MSH3: variants seen among roughly 807,000 people sequenced by gnomAD.
MSH3 encodes DNA mismatch repair protein Msh3.
MSH3 carries 106 observed loss-of-function variants against 123.3 expected under a neutral mutation model. That is an observed-to-expected ratio of 0.86 (90% CI 0.73 to 1.01). The LOEUF (loss-of-function observed/expected upper bound fraction) is 1.01. Ranked by LOEUF, MSH3 falls within the 50% of genes least tolerant of loss-of-function variation. The pLI, the probability that MSH3 is intolerant of heterozygous loss-of-function variation, is 0.00. For synonymous variants in MSH3, 515 were observed against 481.4 expected, an observed-to-expected ratio of 1.07 and a Z score of -0.91; for missense variants, 1,459 against 1,347.6, an observed-to-expected ratio of 1.08 and a Z score of -1.29.
chr5:80,667,123 T>C (rs1216111016), intron 3 of MSH3, among the ~76,000 whole-genome samples: 1 of 152,208 alleles, frequency 6.6e-6, no homozygotes, highest in African/African-American at 2.4e-5. Context: ...TTCAAGTATT[T>C]AGATTGATTT....
At chr5:80,790,685 A>G (rs113361582) in intron 18 of MSH3, among the ~76,000 whole-genome samples, 464 of 152,322 alleles carry the variant, frequency 3.0e-3, no homozygotes, top group Non-Finnish European at 4.5e-3. Flanking sequence ...AAGAAGGTAT[A>G]AAAGAAGAGT....
intron 8 of MSH3, among the ~76,000 whole-genome samples, chr5:80,717,875 C>A (rs926591411): frequency 2.0e-5 from 3 of 151,918 alleles, no homozygotes; most frequent in African/African-American, 7.3e-5. Flanking sequence ...CAAAATACTT[C>A]TAAATTCAGC....
At chr5:80,711,740 C>T (rs1269324844) in intron 8 of MSH3, among the ~76,000 whole-genome samples, 2 of 151,928 alleles carry the variant, frequency 1.3e-5, no homozygotes, top group Non-Finnish European at 2.9e-5. Context: ...CTGCAACCTC[C>T]GCCTCCTGGG....
chr5:80,763,123 A>G (rs535422802), intron 13 of MSH3, among the ~76,000 whole-genome samples: 12 of 152,320 alleles, frequency 7.9e-5, no homozygotes, highest in African/African-American at 2.9e-4. Context: ...CTGGGATTAC[A>G]GGCATGAGCC....
At position 80,667,638 on chromosome 5, in the gene MSH3, T is replaced by A. The variant is rs565297786; in HGVS notation, c.579+2275T>A. On this transcript the variant is annotated intron_variant, in intron 3 of 23. Transcript: ENST00000265081. Reference sequence around the variant, plus strand: ...TCTGGCCCCTGTGCACTGCCAGGCATGCTGGCTTCGGCAGGGTGGGCAGCT... The same window carrying A: ...TCTGGCCCCTGTGCACTGCCAGGCAAGCTGGCTTCGGCAGGGTGGGCAGCT... Among the ~76,000 whole-genome samples, 178 of 152,278 alleles carry A rather than the reference T, an allele frequency of 1.2e-3. 1 individual carries two copies. In the Middle Eastern group the frequency reaches 0.014, roughly 12 times the overall value.
At chr5:80,823,576 A>G (rs1217885014) in intron 20 of MSH3, among the ~76,000 whole-genome samples, 3 of 152,204 alleles carry the variant, frequency 2.0e-5, no homozygotes, top group African/African-American at 7.2e-5. Flanking sequence ...TTTTCATAAT[A>G]AAAACACTGC....
At chr5:80,806,541 T>G (rs921089578) in intron 19 of MSH3, among the ~76,000 whole-genome samples, 1 of 152,226 alleles carries the variant, frequency 6.6e-6, no homozygotes, top group Non-Finnish European at 1.5e-5. Context: ...AGTTTCCACA[T>G]TTTTATGGGG....
intron 8 of MSH3, among the ~76,000 whole-genome samples, chr5:80,718,472 T>G (rs1751006733): frequency 1.3e-5 from 2 of 151,340 alleles, no homozygotes; most frequent in Admixed American, 1.3e-4. Flanking sequence ...CTCCATCTCT[T>G]TTTATTCCTA....
rs1375657832 is a variant in MSH3, at chr5:80,679,043, G to A, written c.1290G>A (p.Ser430=). The part of the protein sequence containing the change: ...SLQPVELLLP[S]ALSEQTEALI... ...AGCCAGTAGAGCTGCTGCTTCCTTC[G>A]GCCTTGTCCGAGCAAACAGAGGCGC... Residue 430 remains serine (S), a synonymous_variant, in exon 8 of 24, where the codon TCG becomes TCA. Transcript: ENST00000265081. The A allele has an allele frequency of 5.0e-6, 8 of 1,614,020 alleles. No individual in the cohort carries two copies. Among genetic ancestry groups the A allele is most frequent in the East Asian group, 2.2e-5 (1 of 44,876 alleles).
At chr5:80,734,387 C>T (rs999125874) in intron 10 of MSH3, among the ~76,000 whole-genome samples, 5 of 151,980 alleles carry the variant, frequency 3.3e-5, no homozygotes, top group African/African-American at 1.2e-4. Context: ...TGATGGTTGG[C>T]CAATTTTAAT....
At chr5:80,843,489 C>T (rs1745663754) in intron 20 of MSH3, among the ~76,000 whole-genome samples, 1 of 152,180 alleles carries the variant, frequency 6.6e-6, no homozygotes, top group Non-Finnish European at 1.5e-5. Context: ...GTACCAGCTC[C>T]TCTTTGTACC....
At chr5:80,800,997 A>G (rs1744780990) in intron 19 of MSH3, among the ~76,000 whole-genome samples, 1 of 152,156 alleles carries the variant, frequency 6.6e-6, no homozygotes, top group African/African-American at 2.4e-5. Context: ...GACCTGTAGA[A>G]AGGCCTTAAG....
intron 15 of MSH3, among the ~76,000 whole-genome samples, chr5:80,770,335 A>G (rs866432444): frequency 6.6e-6 from 1 of 151,326 alleles, no homozygotes; most frequent in African/African-American, 2.4e-5. Flanking sequence ...TTTACATGCT[A>G]TACGACCATG....
chr5:80,857,819 T>A (rs1262027359), intron 21 of MSH3, among the ~76,000 whole-genome samples: 6 of 152,154 alleles, frequency 3.9e-5, no homozygotes, highest in Non-Finnish European at 7.4e-5. Context: ...ATCAGTTTTC[T>A]TTTCAAAGAA....
chr5:80,708,741 T>C (rs999468044), intron 8 of MSH3, among the ~76,000 whole-genome samples: 10 of 152,004 alleles, frequency 6.6e-5, no homozygotes, highest in Admixed American at 3.3e-4. Context: ...ACTTTGACTT[T>C]CTAGGATGTC....
In MSH3 at chr5:80,668,891, A is replaced by G. The variant is rs114477074; in HGVS notation, c.580-1206A>G. 7.5e-3 allele frequency among the ~76,000 whole-genome samples: 1,146 copies of G among 152,262 alleles called. 15 individuals carry two copies. The highest frequency in any genetic ancestry group is 0.025 in the African/African-American group (1,043 of 41,566). On this transcript the variant is annotated intron_variant, in intron 3 of 23. Coordinates refer to ENST00000265081, the MANE Select transcript of MSH3 (RefSeq NM_002439.5). ...TGAGGCTCTCACCCTGCCAACTCAGAAGGGGGCGAGGCTTCTTCCACCCAT... is the reference window on the plus strand; with the variant it reads ...TGAGGCTCTCACCCTGCCAACTCAGGAGGGGGCGAGGCTTCTTCCACCCAT...
intron 8 of MSH3, among the ~76,000 whole-genome samples, 162 bp downstream of exon 8, chr5:80,679,255 G>T (rs1749914208): frequency 6.6e-6 from 1 of 152,046 alleles, no homozygotes; most frequent in African/African-American, 2.4e-5. Context: ...AACAAAGCTG[G>T]GCATGGTGGC....
intron 4 of MSH3, among the ~76,000 whole-genome samples, chr5:80,671,102 G>A (rs896518491): frequency 1.4e-5 from 2 of 145,800 alleles, no homozygotes; most frequent in Non-Finnish European, 3.0e-5. Context: ...TAGCCTGGGC[G>A]GCACAGCAAG....
chr5:80,769,089 G>T (rs1744173143), intron 15 of MSH3, 86 bp downstream of exon 15: 23 of 1,215,216 alleles, frequency 1.9e-5, no homozygotes, highest in Non-Finnish European at 2.6e-5. Context: ...CTGAGGATAG[G>T]ATATGTATTA....
Sources: allele counts gnomAD v4.1 joint callset (sites outside exome capture counted in the v4.1 genomes callset), GRCh38; gene constraint gnomAD v4.1.1; transcripts MANE v1.5; gene names NCBI Gene and HGNC (gene_info 2026-07-23, HGNC 2026-07-21).